TENM2: variants seen among roughly 807,000 people sequenced by gnomAD.
TENM2 encodes teneurin-2.
A neutral mutation model predicts 245.2 loss-of-function variants in TENM2; 52 were observed. The observed-to-expected ratio is 0.21, with a 90% confidence interval of 0.17 to 0.27. TENM2 has a LOEUF of 0.27. Ranked by LOEUF, TENM2 falls within the 10% of genes least tolerant of loss-of-function variation. The probability of loss-of-function intolerance (pLI) is 1.00; values close to 1 mark genes in which losing one functional copy is unlikely to be tolerated. For synonymous variants in TENM2, 1,363 were observed against 1,438.9 expected, an observed-to-expected ratio of 0.95 and a Z score of 1.19; for missense variants, 3,046 against 3,666.8, an observed-to-expected ratio of 0.83 and a Z score of 4.37.
the TENM2 span, among the ~76,000 whole-genome samples, chr5:167,203,230 T>C: frequency 6.6e-6 from 1 of 152,162 alleles, no homozygotes; most frequent in Non-Finnish European, 1.5e-5. Context: ...TCAAGGCCCT[T>C]ACGATCAATG....
At chr5:167,852,316 A>G (rs1298550875) in intron 2 of TENM2, among the ~76,000 whole-genome samples, 7 of 152,230 alleles carry the variant, frequency 4.6e-5, no homozygotes, top group Non-Finnish European at 1.0e-4. Context: ...CCAAGCAATC[A>G]GCGCATGACT....
At chr5:167,956,520 T>A (rs1271671496) in intron 4 of TENM2, among the ~76,000 whole-genome samples, 1 of 152,038 alleles carries the variant, frequency 6.6e-6, no homozygotes. Flanking sequence ...TGAATAGGAG[T>A]GGTGAGAGAG....
At chr5:167,443,615 A>C (rs908962696) in intron 2 of TENM2, among the ~76,000 whole-genome samples, 1 of 152,194 alleles carries the variant, frequency 6.6e-6, no homozygotes, top group Admixed American at 6.6e-5. Context: ...GATGGATTAT[A>C]ATTGTTGGAA....
intron 3 of TENM2, among the ~76,000 whole-genome samples, chr5:167,926,894 G>A (rs190327): frequency 0.099 from 15,109 of 152,130 alleles, 759 homozygotes; most frequent in Middle Eastern, 0.18. Context: ...AGAGTACTTG[G>A]CATCTCTCTG....
At chr5:167,959,223 C>T (rs1203107670) in intron 4 of TENM2, among the ~76,000 whole-genome samples, 3 of 142,666 alleles carry the variant, frequency 2.1e-5, no homozygotes, top group South Asian at 2.2e-4. Flanking sequence ...GAGATGGAGT[C>T]TCGCTCTGTC....
intron 2 of TENM2, among the ~76,000 whole-genome samples, chr5:167,745,846 T>C (rs915863317): frequency 6.6e-6 from 1 of 152,210 alleles, no homozygotes; most frequent in African/African-American, 2.4e-5. Flanking sequence ...CTGAATGGTA[T>C]TCTGCTGATA....
intron 2 of TENM2, among the ~76,000 whole-genome samples, chr5:167,536,183 A>C (rs1043082887): frequency 6.6e-6 from 1 of 152,152 alleles, no homozygotes; most frequent in African/African-American, 2.4e-5. Flanking sequence ...ACCTAGGCTC[A>C]TTCTGAGGGT....
the TENM2 span, among the ~76,000 whole-genome samples, chr5:167,186,548 G>T: frequency 6.6e-6 from 1 of 152,176 alleles, no homozygotes; most frequent in African/African-American, 2.4e-5. Flanking sequence ...GAGGAGTTTA[G>T]CGAGCTTCCC....
intron 2 of TENM2, among the ~76,000 whole-genome samples, chr5:167,588,878 C>A (rs968772790): frequency 1.3e-5 from 2 of 152,142 alleles, no homozygotes; most frequent in African/African-American, 4.8e-5. Context: ...ATTCTTGGAA[C>A]TTCCCTTCAG....
intron 1 of TENM2, among the ~76,000 whole-genome samples, chr5:167,317,051 C>T (rs1756405523): frequency 6.6e-6 from 1 of 152,140 alleles, no homozygotes; most frequent in Non-Finnish European, 1.5e-5. Context: ...TTTCTTATCA[C>T]ATTGATAACT....
chr5:167,770,686 G>T (rs1223677381), intron 2 of TENM2, among the ~76,000 whole-genome samples: 1 of 152,090 alleles, frequency 6.6e-6, no homozygotes, highest in Non-Finnish European at 1.5e-5. Context: ...GTGTCAATGT[G>T]GTCTTCCTGT....
rs1415410112 is a variant in TENM2 at position 168,203,630 on chromosome 5, G to T, written c.3431-59G>T. ...TTCTCATTCTTGCTACAGAGCTCTGGAGTAATCAAGTAAACTCTCTCTTTT... is the reference window on the plus strand; with the variant it reads ...TTCTCATTCTTGCTACAGAGCTCTGTAGTAATCAAGTAAACTCTCTCTTTT... On this transcript the variant is annotated intron_variant, in intron 17 of 28. Transcript: ENST00000518659. 3 of 1,498,186 alleles carry T rather than the reference G, an allele frequency of 2.0e-6. No homozygotes were observed. The African/African-American group carries it at 4.1e-5, about 21-fold the overall frequency. The allele number at this position is 1,498,186 out of a possible 1,614,324, so 92.8% of individuals were successfully genotyped here.
At chr5:168,034,057 A>G (rs1460545030) in intron 5 of TENM2, among the ~76,000 whole-genome samples, 3 of 146,526 alleles carry the variant, frequency 2.0e-5, no homozygotes, top group African/African-American at 5.0e-5. Flanking sequence ...GTGTATATAT[A>G]TATATATGTG....
intron 2 of TENM2, among the ~76,000 whole-genome samples, chr5:167,645,110 G>C (rs1473207922): frequency 6.6e-6 from 1 of 152,156 alleles, no homozygotes; most frequent in African/African-American, 2.4e-5. Flanking sequence ...TGGGATTACT[G>C]TCATACATGG....
At chr5:167,667,771 A>C (rs1288333739) in intron 2 of TENM2, among the ~76,000 whole-genome samples, 2 of 152,174 alleles carry the variant, frequency 1.3e-5, no homozygotes, top group African/African-American at 2.4e-5. Flanking sequence ...TTGATTTCCC[A>C]GGTGCCTGGG....
chr5:167,044,908 A>T, the TENM2 span, among the ~76,000 whole-genome samples: 1 of 152,140 alleles, frequency 6.6e-6, no homozygotes, highest in Non-Finnish European at 1.5e-5. Context: ...AGTGTGGACA[A>T]CTCTTCCAGC....
chr5:167,507,348 G>A lies in TENM2; in HGVS notation c.502+131875G>A, dbSNP rs143775664. On this transcript the variant is annotated intron_variant, in intron 2 of 28. Coordinates refer to ENST00000518659, the Ensembl canonical transcript of TENM2. ...CAATTCATTAAAAATAGGATTTCTC[G>A]TTCTTGGATAGTGTTTTGTCAATAT... Among the ~76,000 whole-genome samples the A allele has an allele frequency of 3.3e-4, 50 of 152,180 alleles. 1 individual carries two copies. In the East Asian group the frequency reaches 8.9e-3, roughly 27 times the overall value.
chr5:167,736,067 G>GACTC (rs1214768350), intron 2 of TENM2, among the ~76,000 whole-genome samples: 1 of 152,148 alleles, frequency 6.6e-6, no homozygotes, highest in African/African-American at 2.4e-5. Flanking sequence ...AAGTTTAATT[G>GACTC]ACTCACAGTT....
At chr5:168,257,153 C>A (rs1268335920) in intron 27 of TENM2, among the ~76,000 whole-genome samples, 1 of 151,862 alleles carries the variant, frequency 6.6e-6, no homozygotes. Flanking sequence ...CTTCACCAGG[C>A]AAGCTGGAGT....
Sources: gnomAD v4.1 joint callset for allele counts (sites outside exome capture counted in the v4.1 genomes callset) on GRCh38, gnomAD v4.1.1 for gene constraint, MANE v1.5 for transcripts, NCBI Gene and HGNC (gene_info 2026-07-23, HGNC 2026-07-21) for gene names.